Variants in FHIT observed in about 807,000 individuals in gnomAD.
The protein encoded by FHIT is bis(5'-adenosyl)-triphosphatase.
FHIT carries 19 observed loss-of-function variants against 17.9 expected under a neutral mutation model. The ratio of observed to expected loss-of-function variants is 1.06; its 90% CI spans 0.74 to 1.56. The LOEUF is 1.56. Ranked by LOEUF, FHIT falls within the 40% of genes most tolerant of loss-of-function variation. FHIT has a pLI of 0.00. For synonymous variants in FHIT, 81 were observed against 69.7 expected (o/e 1.16, Z -0.81); for missense variants, 248 against 189.2 (o/e 1.31, Z -1.82).
intron 5 of FHIT, among the ~76,000 whole-genome samples, chr3:60,516,625 G>T (rs2035169325): frequency 6.6e-6 from 1 of 152,096 alleles, no homozygotes; most frequent in African/African-American, 2.4e-5. Context: ...CTATAAAATG[G>T]AGATACCAAC....
At chr3:61,209,826 T>A (rs1404575475) in intron 1 of FHIT, among the ~76,000 whole-genome samples, 1 of 152,256 alleles carries the variant, frequency 6.6e-6, no homozygotes. Context: ...AAAGTCATTC[T>A]CCATCCAGCT....
intron 4 of FHIT, among the ~76,000 whole-genome samples, chr3:60,783,902 A>G (rs1700476519): frequency 6.6e-6 from 1 of 152,232 alleles, no homozygotes; most frequent in African/African-American, 2.4e-5. Context: ...ATCATAGTCA[A>G]ATTACTTAAT....
intron 4 of FHIT, among the ~76,000 whole-genome samples, chr3:60,558,478 C>G (rs1174353301): frequency 2.0e-5 from 3 of 151,884 alleles, no homozygotes; most frequent in Non-Finnish European, 4.4e-5. Flanking sequence ...ATGCCATTGG[C>G]CTGTCCACTT....
chr3:60,695,840 A>T (rs1406475095), intron 4 of FHIT, among the ~76,000 whole-genome samples: 1 of 152,140 alleles, frequency 6.6e-6, no homozygotes. Flanking sequence ...AATAATAACC[A>T]TTATGAGGGT....
intron 4 of FHIT, among the ~76,000 whole-genome samples, chr3:60,790,064 A>G (rs1700722894): frequency 1.3e-5 from 2 of 152,252 alleles, no homozygotes. Context: ...TGGCTTTGAA[A>G]TTAAATGGAT....
chr3:60,637,124 GT>G (rs1301405373), intron 4 of FHIT, among the ~76,000 whole-genome samples: 3 of 151,934 alleles, frequency 2.0e-5, no homozygotes, highest in Non-Finnish European at 2.9e-5. Context: ...ATTAAAACTA[GT>G]TCTCAAGGGA....
intron 5 of FHIT, among the ~76,000 whole-genome samples, chr3:60,342,443 T>C (rs1439092116): frequency 1.3e-5 from 2 of 152,230 alleles, no homozygotes; most frequent in African/African-American, 2.4e-5. Flanking sequence ...AAGATTACTG[T>C]GATAAAACCT....
chr3:60,687,561 A>C (rs1553698737), intron 4 of FHIT, among the ~76,000 whole-genome samples: 1 of 152,100 alleles, frequency 6.6e-6, no homozygotes, highest in East Asian at 1.9e-4. Context: ...TTCATAATTT[A>C]ATATGGTTTC....
Position 60,004,507 on chromosome 3 carries a change from T to C in FHIT, c.279+6864A>G, listed in dbSNP as rs187800981. On this transcript the variant is annotated intron_variant, in intron 7 of 9. Transcript: ENST00000492590. Reference sequence around the variant, plus strand: ...TGTGTAATAAACAGGGATTGTCCTCTGGATATTTTTAGATGGAAACCAACA... The same window carrying C: ...TGTGTAATAAACAGGGATTGTCCTCCGGATATTTTTAGATGGAAACCAACA... Among the ~76,000 whole-genome samples, 4 of 152,266 alleles carry C rather than the reference T, an allele frequency of 2.6e-5. No homozygotes were observed. In the East Asian group the frequency reaches 7.7e-4, roughly 29 times the overall value.
chr3:60,554,040 T>C (rs1273847685), intron 4 of FHIT, among the ~76,000 whole-genome samples: 2 of 152,022 alleles, frequency 1.3e-5, no homozygotes, highest in Non-Finnish European at 2.9e-5. Context: ...TGAGCCAAGA[T>C]TGTGCTGCGC....
At chr3:60,557,606 T>C (rs2036786223) in intron 4 of FHIT, among the ~76,000 whole-genome samples, 2 of 151,740 alleles carry the variant, frequency 1.3e-5, no homozygotes, top group South Asian at 4.2e-4. Context: ...TACATGGCTC[T>C]GCCTCATCTG....
chr3:60,558,486 C>T (rs2036820319), intron 4 of FHIT, among the ~76,000 whole-genome samples: 1 of 151,944 alleles, frequency 6.6e-6, no homozygotes, highest in Non-Finnish European at 1.5e-5. Context: ...GGCCTGTCCA[C>T]TTGACCCCTG....
At chr3:60,537,877 G>C (rs1363920738) in intron 4 of FHIT, among the ~76,000 whole-genome samples, 2 of 152,150 alleles carry the variant, frequency 1.3e-5, no homozygotes, top group Non-Finnish European at 2.9e-5. Flanking sequence ...GAACAGCCTA[G>C]TATGAAACTG....
chr3:61,011,044 G>C (rs1387858877), intron 3 of FHIT, among the ~76,000 whole-genome samples: 1 of 152,170 alleles, frequency 6.6e-6, no homozygotes, highest in Non-Finnish European at 1.5e-5. Context: ...AACTTCGAAT[G>C]TTTCCTTTCT....
At chr3:60,753,761 G>C (rs1339023498) in intron 4 of FHIT, among the ~76,000 whole-genome samples, 3 of 152,104 alleles carry the variant, frequency 2.0e-5, no homozygotes, top group Admixed American at 2.0e-4. Flanking sequence ...TGAGGCCAGG[G>C]ACAATTAGGT....
At chr3:59,823,554 C>A (rs1472999067) in intron 8 of FHIT, among the ~76,000 whole-genome samples, 1 of 151,744 alleles carries the variant, frequency 6.6e-6, no homozygotes, top group Non-Finnish European at 1.5e-5. Flanking sequence ...ATACACAAGT[C>A]AATAAATGTG....
In FHIT at chr3:60,712,230, G is replaced by C. The variant is rs1298150057; in HGVS notation, c.-18+109689C>G. 2.2e-4 allele frequency among the ~76,000 whole-genome samples: 34 copies of C among 152,150 alleles called. 1 individual carries two copies. The highest frequency in any genetic ancestry group is 8.3e-4 in the South Asian group (4 of 4,832). ...TCCTTTACAGACAAGCAAATGCTGA[G>C]AGATTTTGTCACCACCAGGCTGCCC... is the stretch of plus-strand genomic sequence containing the variant. On this transcript the variant is annotated intron_variant, in intron 4 of 9. Transcript: ENST00000492590.
At chr3:60,021,713 C>T (rs369921659) in intron 5 of FHIT, among the ~76,000 whole-genome samples, 15 of 152,168 alleles carry the variant, frequency 9.9e-5, no homozygotes, top group Admixed American at 2.0e-4. Flanking sequence ...ACCAAGGTCA[C>T]GTAGCTATTA....
At chr3:60,906,531 A>G (rs1471361791) in intron 3 of FHIT, among the ~76,000 whole-genome samples, 1 of 152,188 alleles carries the variant, frequency 6.6e-6, no homozygotes, top group African/African-American at 2.4e-5. Context: ...CAGTAAAGGG[A>G]GACAGGGCTT....
Sources: gnomAD v4.1 joint callset for allele counts (sites outside exome capture counted in the v4.1 genomes callset) on GRCh38, gnomAD v4.1.1 for gene constraint, MANE v1.5 for transcripts, NCBI Gene and HGNC (gene_info 2026-07-23, HGNC 2026-07-21) for gene names.